CNTN5: variants seen among roughly 807,000 people sequenced by gnomAD.
The protein encoded by CNTN5 is contactin 5, also known as contactin-5.
CNTN5 carries 77 observed loss-of-function variants against 129.1 expected under a neutral mutation model. The ratio of observed to expected loss-of-function variants is 0.60; its 90% CI spans 0.50 to 0.72. CNTN5 has a LOEUF of 0.72. Among genes scored for constraint, CNTN5 ranks in the 30% least tolerant of loss-of-function variants. The pLI is 0.00. For missense variants in CNTN5, 1,478 were observed against 1,328.8 expected (o/e 1.11, Z -1.75); for synonymous variants, 509 against 465.6 (o/e 1.09, Z -1.20).
rs185459056 is a variant in CNTN5 at position 99,953,378 on chromosome 11, A to G, written c.674-3428A>G. ...TGAATCCCTAAAATCTGGACATTCAATTAGGGCAGGAGACAGCTAACCTGG... is the reference window on the plus strand; with the variant it reads ...TGAATCCCTAAAATCTGGACATTCAGTTAGGGCAGGAGACAGCTAACCTGG... On this transcript the variant is annotated intron_variant, in intron 7 of 24. Coordinates refer to ENST00000524871, the MANE Select transcript of CNTN5 (RefSeq NM_014361.4). Among the ~76,000 whole-genome samples the G allele has an allele frequency of 1.2e-3, 177 of 152,346 alleles. 1 individual carries two copies. Among genetic ancestry groups the G allele is most frequent in the African/African-American group, 4.2e-3 (174 of 41,592 alleles).
intron 1 of CNTN5, among the ~76,000 whole-genome samples, chr11:99,121,446 C>G (rs1387936758): frequency 6.6e-6 from 1 of 152,112 alleles, no homozygotes; most frequent in Non-Finnish European, 1.5e-5. Context: ...TTTAGCTATT[C>G]TTTCATTCCC....
chr11:100,053,857 T>G (rs1943085800), intron 9 of CNTN5, among the ~76,000 whole-genome samples: 1 of 151,770 alleles, frequency 6.6e-6, no homozygotes, highest in Non-Finnish European at 1.5e-5. Flanking sequence ...TATCCATATA[T>G]CGATATACTC....
intron 3 of CNTN5, among the ~76,000 whole-genome samples, chr11:99,806,980 C>G (rs1946292267): frequency 1.3e-5 from 2 of 151,962 alleles, no homozygotes; most frequent in Non-Finnish European, 2.9e-5. Flanking sequence ...CCTTAATCAT[C>G]AGTGTATAAA....
chr11:99,989,882 C>A (rs1256461204), intron 8 of CNTN5, among the ~76,000 whole-genome samples: 2 of 152,130 alleles, frequency 1.3e-5, no homozygotes, highest in African/African-American at 4.8e-5. Flanking sequence ...TCTCCTGCCT[C>A]AGCCTCCCGA....
chr11:99,947,140 A>T (rs1384001665), intron 7 of CNTN5, among the ~76,000 whole-genome samples: 1 of 151,872 alleles, frequency 6.6e-6, no homozygotes, highest in East Asian at 1.9e-4. Context: ...CTTGTAGAAT[A>T]AGAAAGAAAA....
intron 4 of CNTN5, among the ~76,000 whole-genome samples, chr11:99,828,891 A>T (rs1947052124): frequency 6.6e-6 from 1 of 152,196 alleles, no homozygotes; most frequent in Non-Finnish European, 1.5e-5. Context: ...TGTATAAAAT[A>T]TTCCCATATT....
intron 6 of CNTN5, among the ~76,000 whole-genome samples, chr11:99,878,482 G>A (rs753035132): frequency 1.3e-5 from 2 of 152,068 alleles, no homozygotes; most frequent in Non-Finnish European, 2.9e-5. Flanking sequence ...CATGCACATT[G>A]TAAAAAAAAC....
chr11:99,314,232 G>A lies in CNTN5; in HGVS notation c.-209-11114G>A, dbSNP rs574023776. On this transcript the variant is annotated intron_variant, in intron 1 of 24. Transcript: ENST00000524871. ...TTTGCTGAACAATAATTAATACATT[G>A]CTAGCCCAAGTAGGATGTGCATACT... is the stretch of plus-strand genomic sequence containing the variant. Among the ~76,000 whole-genome samples the A allele has an allele frequency of 1.8e-4, 28 of 152,040 alleles. No individual in the cohort carries two copies. The East Asian group carries it at 4.8e-3, about 26-fold the overall frequency.
At chr11:99,652,580 AT>A (rs774953128) in intron 3 of CNTN5, among the ~76,000 whole-genome samples, 2 of 152,042 alleles carry the variant, frequency 1.3e-5, no homozygotes, top group Non-Finnish European at 2.9e-5. Flanking sequence ...CACTATCCCA[AT>A]TATAAATTTT....
At chr11:99,759,217 C>T (rs1215178589) in intron 3 of CNTN5, among the ~76,000 whole-genome samples, 1 of 151,956 alleles carries the variant, frequency 6.6e-6, no homozygotes, top group African/African-American at 2.4e-5. Context: ...AAAATGATGA[C>T]ATCATGAGGG....
chr11:100,255,691 GA>G, intron 16 of CNTN5, 68 bp from the exon 17 acceptor site: 2 of 1,379,836 alleles, frequency 1.4e-6, no homozygotes, highest in East Asian at 2.3e-5. Context: ...CTACATATTG[GA>G]AATATAATTT....
intron 1 of CNTN5, among the ~76,000 whole-genome samples, chr11:99,274,172 A>G (rs1179851352): frequency 1.3e-5 from 2 of 151,654 alleles, no homozygotes; most frequent in Non-Finnish European, 3.0e-5. Context: ...TATTTCATCA[A>G]TTTATACCTG....
intron 1 of CNTN5, among the ~76,000 whole-genome samples, chr11:99,162,811 A>G (rs2135518322): frequency 6.6e-6 from 1 of 152,312 alleles, no homozygotes; most frequent in African/African-American, 2.4e-5. Flanking sequence ...TTACCTTGAT[A>G]CTGTATAAAT....
At chr11:99,461,893 T>G (rs184761876) in intron 2 of CNTN5, among the ~76,000 whole-genome samples, 1 of 152,338 alleles carries the variant, frequency 6.6e-6, no homozygotes, top group Non-Finnish European at 1.5e-5. Flanking sequence ...GATCATAAAG[T>G]AAATGTGTTT....
At chr11:99,091,958 A>T (rs1305418225) in intron 1 of CNTN5, among the ~76,000 whole-genome samples, 1 of 152,192 alleles carries the variant, frequency 6.6e-6, no homozygotes, top group Non-Finnish European at 1.5e-5. Context: ...TATCCAAATT[A>T]CAGCATTTTT....
At chr11:99,860,739 C>T (rs1312636876) in intron 6 of CNTN5, among the ~76,000 whole-genome samples, 1 of 152,040 alleles carries the variant, frequency 6.6e-6, no homozygotes, top group Non-Finnish European at 1.5e-5. Flanking sequence ...GTGATACCTC[C>T]AGCTTTGTTA....
At chr11:100,239,382 T>A (rs1442863986) in intron 16 of CNTN5, among the ~76,000 whole-genome samples, 1 of 152,192 alleles carries the variant, frequency 6.6e-6, no homozygotes, top group Non-Finnish European at 1.5e-5. Context: ...ACTGCTTTCA[T>A]ATCAGTGATA....
intron 23 of CNTN5, among the ~76,000 whole-genome samples, chr11:100,348,110 A>T (rs1379873458): frequency 6.6e-6 from 1 of 151,962 alleles, no homozygotes; most frequent in Non-Finnish European, 1.5e-5. Context: ...AATTTTCTTT[A>T]TGCATAAACA....
At chr11:99,902,358 G>T in intron 6 of CNTN5, among the ~76,000 whole-genome samples, 1 of 149,836 alleles carries the variant, frequency 6.7e-6, no homozygotes, top group African/African-American at 2.5e-5. Flanking sequence ...TTTGCCTTTT[G>T]CCTTGCAAAG....
Sources: gnomAD v4.1 joint callset for allele counts (sites outside exome capture counted in the v4.1 genomes callset) on GRCh38, gnomAD v4.1.1 for gene constraint, MANE v1.5 for transcripts, NCBI Gene and HGNC (gene_info 2026-07-23, HGNC 2026-07-21) for gene names.